Variants in LMF1 observed in about 807,000 individuals in gnomAD.
LMF1 encodes transmembrane protein 112.
A neutral mutation model predicts 60.6 loss-of-function variants in LMF1; 68 were observed. That is an observed-to-expected ratio of 1.12 (90% CI 0.92 to 1.37). The LOEUF is 1.37. Among genes scored for constraint, LMF1 ranks in the 40% most tolerant of loss-of-function variants. LMF1 has a pLI of 0.00. For missense variants in LMF1, 948 were observed against 767.2 expected (o/e 1.24, Z -2.78); for synonymous variants, 418 against 324.7 (o/e 1.29, Z -3.09).
intron 6 of LMF1, among the ~76,000 whole-genome samples, chr16:877,336 G>A (rs2070021388): frequency 6.6e-6 from 1 of 152,206 alleles, no homozygotes. Context: ...AAGAAGGAAT[G>A]GAAACTCTGC....
At chr16:864,662 C>CTT (rs386364714) in intron 10 of LMF1, among the ~76,000 whole-genome samples, 1,730 of 141,968 alleles carry the variant, frequency 0.012, 35 homozygotes, top group African/African-American at 0.035. Flanking sequence ...AAGTTACTAT[C>CTT]TTTTTTTTTT....
At chr16:943,722 G>A (rs1236296611) in intron 2 of LMF1, among the ~76,000 whole-genome samples, 6 of 83,460 alleles carry the variant, frequency 7.2e-5, no homozygotes, top group Non-Finnish European at 9.9e-5. Context: ...ATGAGACTCT[G>A]TCTCAAAAAA....
intron 7 of LMF1, 111 bp from the exon 8 acceptor site, chr16:870,993 A>G: frequency 7.0e-7 from 1 of 1,434,372 alleles, no homozygotes; most frequent in Non-Finnish European, 9.3e-7. Flanking sequence ...GGTCCCGGGG[A>G]CGGAGCAGCA....
chr16:965,915 G>A (rs1385985867), intron 1 of LMF1, among the ~76,000 whole-genome samples: 1 of 151,996 alleles, frequency 6.6e-6, no homozygotes, highest in Admixed American at 6.6e-5. Flanking sequence ...AGGGATAGAG[G>A]TATAAAGAAA....
chr16:913,259 AG>A (rs2071173034), intron 3 of LMF1, among the ~76,000 whole-genome samples: 1 of 152,196 alleles, frequency 6.6e-6, no homozygotes, highest in Non-Finnish European at 1.5e-5. Context: ...CGGGAGACTG[AG>A]CACACCCTGT....
At chr16:940,985 G>C (rs2072087051) in intron 2 of LMF1, among the ~76,000 whole-genome samples, 1 of 152,070 alleles carries the variant, frequency 6.6e-6, no homozygotes, top group Non-Finnish European at 1.5e-5. Context: ...TTCAGTATGT[G>C]GTGCCTTTAT....
At chr16:899,330 ACGC>A (rs1188514070) in intron 4 of LMF1, 1 of 152,162 alleles carries the variant, frequency 6.6e-6, no homozygotes, top group Non-Finnish European at 1.5e-5. Flanking sequence ...AATTCCCACG[ACGC>A]CTCCGTGCCG....
chr16:978,167 A>C (rs978530864), intron 1 of LMF1, among the ~76,000 whole-genome samples: 7 of 146,420 alleles, frequency 4.8e-5, no homozygotes, highest in South Asian at 2.1e-4. Context: ...CACACACACC[A>C]CACACCATAC....
chr16:966,767 A>G (rs2072933716), intron 1 of LMF1, among the ~76,000 whole-genome samples: 1 of 152,152 alleles, frequency 6.6e-6, no homozygotes, highest in Non-Finnish European at 1.5e-5. Flanking sequence ...TTGATGAGCA[A>G]CTTGGCCAAG....
At chr16:868,327 C>A (rs2069670572) in intron 10 of LMF1, among the ~76,000 whole-genome samples, 1 of 152,166 alleles carries the variant, frequency 6.6e-6, no homozygotes, top group Non-Finnish European at 1.5e-5. Context: ...GGTCACAATG[C>A]TCAGGGTCCT....
In LMF1 at chr16:911,034, AG is replaced by A. The variant is rs1186859460; in HGVS notation, c.559del (p.Leu187CysfsTer27). The A allele has an allele frequency of 1.2e-6, 2 of 1,613,102 alleles. No individual in the cohort carries two copies. Among genetic ancestry groups the A allele is most frequent in the Admixed American group, 1.7e-5 (1 of 59,978 alleles). ...CCTTGACAGCGTCCACAGAGGGCAC[AG>A]GAAGATCCCCAGGAACCCCGTCTCC... The part of the protein sequence containing the change: ...LLETGFLGIF[L>X]CPLWTLSRLP... On this transcript the variant is annotated frameshift_variant, in exon 4 of 11. Coordinates refer to ENST00000262301, the MANE Select transcript of LMF1 (RefSeq NM_022773.4). LOFTEE classifies it high-confidence loss of function.
chr16:976,082 A>G, intron 1 of LMF1: 1 of 453,980 alleles, frequency 2.2e-6, no homozygotes, highest in Non-Finnish European at 4.4e-6. Flanking sequence ...CTGAGTGGGT[A>G]CAAACGCTGA....
At chr16:924,710 C>A (rs1327960365) in intron 3 of LMF1, among the ~76,000 whole-genome samples, 1 of 152,204 alleles carries the variant, frequency 6.6e-6, no homozygotes, top group Non-Finnish European at 1.5e-5. Flanking sequence ...CAGAAAATAG[C>A]TGAACCAACT....
chr16:925,936 G>A (rs1163561740), intron 3 of LMF1, among the ~76,000 whole-genome samples: 2 of 152,272 alleles, frequency 1.3e-5, no homozygotes, highest in African/African-American at 4.8e-5. Context: ...CATATGATCT[G>A]CATATGTGTC....
At chr16:954,796 A>C (rs2072630477) in intron 1 of LMF1, 130 bp from the exon 2 acceptor site, 1 of 816,498 alleles carries the variant, frequency 1.2e-6, no homozygotes. Flanking sequence ...GTTTGGGGCC[A>C]AACCCTAGAC....
At chr16:946,245 C>T (rs563895890) in intron 2 of LMF1, among the ~76,000 whole-genome samples, 7 of 152,320 alleles carry the variant, frequency 4.6e-5, no homozygotes, top group South Asian at 4.1e-4. Context: ...CCCCATGTGC[C>T]GCAGCAGCCA....
upstream of LMF1, chr16:971,133 C>T (rs2073044653): frequency 2.7e-6 from 2 of 751,252 alleles, no homozygotes; most frequent in African/African-American, 3.6e-5. Flanking sequence ...AGGCACCGCC[C>T]CCTCCAGCCG....
At chr16:876,471 AAC>A (rs2069979835) in intron 6 of LMF1, among the ~76,000 whole-genome samples, 1 of 152,222 alleles carries the variant, frequency 6.6e-6, no homozygotes, top group Non-Finnish European at 1.5e-5. Context: ...TTTAGTTGGC[AAC>A]AGTTTATCAG....
intron 2 of LMF1, among the ~76,000 whole-genome samples, chr16:944,928 A>G (rs916390319): frequency 1.3e-5 from 2 of 149,970 alleles, no homozygotes; most frequent in Non-Finnish European, 3.0e-5. Context: ...TAAAAAAAAT[A>G]GGGGGCTGGG....
Sources: gnomAD v4.1 joint callset for allele counts (sites outside exome capture counted in the v4.1 genomes callset) on GRCh38, gnomAD v4.1.1 for gene constraint, MANE v1.5 for transcripts, NCBI Gene and HGNC (gene_info 2026-07-23, HGNC 2026-07-21) for gene names.